Variants in TYMP observed in about 807,000 individuals in gnomAD.
TYMP encodes the protein gliostatin.
In TYMP, 46 loss-of-function variants were observed where a neutral mutation model predicts 42.3. The ratio of observed to expected loss-of-function variants is 1.09; its 90% CI spans 0.86 to 1.39. The LOEUF (loss-of-function observed/expected upper bound fraction) is 1.39. TYMP is among the 40% of genes most tolerant of loss of function. The pLI is 0.00. For synonymous variants in TYMP, 363 were observed against 308.0 expected, an observed-to-expected ratio of 1.18 and a Z score of -1.87; for missense variants, 837 against 677.6, an observed-to-expected ratio of 1.24 and a Z score of -2.61.
intron 4 of TYMP, chr22:50,527,948 TC>T (rs1218338391): frequency 1.2e-5 from 7 of 561,042 alleles, no homozygotes; most frequent in Admixed American, 9.8e-5. Context: ...CTTTTTTTTT[TC>T]TTCTTTTTTT....
chr22:50,527,475 G>A (rs1569522393), intron 5 of TYMP, 113 bp downstream of exon 5: 1 of 1,540,072 alleles, frequency 6.5e-7, no homozygotes, highest in Non-Finnish European at 9.0e-7. Flanking sequence ...TTGTGATGGG[G>A]GTAGGGGGGC....
Position 50,529,032 on chromosome 22 carries a change from C to G in TYMP, c.417+104G>C. On this transcript the variant is annotated intron_variant, in intron 3 of 9. Transcript: ENST00000252029. The stretch of plus-strand genomic sequence containing the variant: ...GGGTGGGGAGAAGCCTTGGTAGGGT[C>G]TTGGAGGCTTTGGGCCAGGCTTGAG... 3 of 1,212,042 alleles carry G rather than the reference C, an allele frequency of 2.5e-6. No homozygotes were observed. The South Asian group carries it at 3.7e-5, about 15-fold the overall frequency. The allele number at this position is 1,212,042 out of a possible 1,614,324, so 75.1% of individuals were successfully genotyped here.
At chr22:50,528,388 C>T in intron 4 of TYMP, 124 bp downstream of exon 4, 1 of 860,538 alleles carries the variant, frequency 1.2e-6, no homozygotes, top group Non-Finnish European at 1.9e-6. Flanking sequence ...CCCAGTGACT[C>T]ATGAGTAACC....
At position 50,529,166 on chromosome 22, in the gene TYMP, G is replaced by A. The variant is rs773716239; in HGVS notation, c.387C>T (p.Leu129=). 4.3e-6 allele frequency: 7 copies of A among 1,613,252 alleles called. No homozygotes were observed. Among genetic ancestry groups the A allele is most frequent in the Non-Finnish European group, 5.1e-6 (6 of 1,180,004 alleles). ...AGCCACATGCCGCCAGGGCAGGTGC[G>A]AGGACCAGGCTGACCTTGTCACCCA... The part of the protein sequence containing the change: ...GGVGDKVSLV[L]APALAACGCK... Residue 129 remains leucine (L), a synonymous_variant, in exon 3 of 10, where the codon CTC becomes CTT. Coordinates refer to ENST00000252029, the MANE Select transcript of TYMP (RefSeq NM_001953.5).
intron 4 of TYMP, chr22:50,528,233 G>C: frequency 2.0e-6 from 1 of 499,252 alleles, no homozygotes; most frequent in South Asian, 2.0e-5. Context: ...TTGAACTCCT[G>C]GGTTCAAGGG....
At position 50,526,502 on chromosome 22, in the gene TYMP, G is replaced by A. The variant is rs759044025; in HGVS notation, c.929-26C>T. On this transcript the variant is annotated intron_variant, in intron 7 of 9. Coordinates refer to ENST00000252029, the MANE Select transcript of TYMP (RefSeq NM_001953.5). ...CTGCGGGCGGGGACGGGTCTTAGGC[G>A]CGGCCGGGTCGGGGCGGCCCCAGCG... The A allele has an allele frequency of 3.9e-6, 6 of 1,519,858 alleles. No individual in the cohort carries two copies. In the South Asian group the frequency reaches 6.2e-5, roughly 16 times the overall value. The allele number at this position is 1,519,858 out of a possible 1,614,324, so 94.1% of individuals were successfully genotyped here.
Position 50,528,545 on chromosome 22 carries a change from A to G in TYMP, c.483T>C (p.Ile161=). The part of the protein sequence containing the change: ...TGGTLDKLES[I]PGFNVIQSPE... ...GGCTCTGGATGACATTGAATCCAGG[A>G]ATAGACTCCAGCTTATCCAAGGTGC... Residue 161 remains isoleucine, a synonymous_variant, in exon 4 of 10, where the codon ATT becomes ATC. Coordinates refer to ENST00000252029, the MANE Select transcript of TYMP (RefSeq NM_001953.5). 6.2e-7 allele frequency: 1 copy of G among 1,613,936 alleles called. No individual in the cohort carries two copies. Among genetic ancestry groups the G allele is most frequent in the Non-Finnish European group, 8.5e-7 (1 of 1,179,984 alleles).
intron 6 of TYMP, 152 bp downstream of exon 6, chr22:50,527,013 G>A (rs375542076): frequency 7.9e-6 from 6 of 762,576 alleles, no homozygotes; most frequent in Non-Finnish European, 1.4e-5. Context: ...AGGTTAGGAA[G>A]CCGTGAAGGA....
intron 4 of TYMP, chr22:50,528,176 G>A (rs1377147190): frequency 1.5e-5 from 6 of 408,526 alleles, no homozygotes; most frequent in Admixed American, 7.2e-5. Flanking sequence ...CACACGCAGC[G>A]AACTATTTTG....
In TYMP at chr22:50,527,209, C is replaced by A. The variant is rs2069422394; in HGVS notation, c.721G>T (p.Val241Phe). Residue 241 changes from valine (V) to phenylalanine (F), a missense_variant, in exon 6 of 10, where the codon GTC becomes TTC. By Grantham distance (50) the Val-to-Phe change is conservative (BLOSUM62 -1). Transcript: ENST00000252029. ...VVDVKFGGAA[V>F]FPNQEQAREL... ...CGGGCCTGCTCCTGGTTGGGGAAGA[C>A]GGCGGCCCCTCCGAACTTAACGTCC... The A allele has an allele frequency of 6.2e-7, 1 of 1,613,490 alleles. No individual in the cohort carries two copies.
At chr22:50,527,020 A>AGG in intron 6 of TYMP, 145 bp downstream of exon 6, 1 of 779,542 alleles carries the variant, frequency 1.3e-6, no homozygotes, top group Non-Finnish European at 2.2e-6. Context: ...GAAGCCGTGA[A>AGG]GGAGGGAGGG....
rs1272477035 is a variant in TYMP at position 50,526,663 on chromosome 22, C to T, written c.841G>A (p.Val281Met). Residue 281 changes from valine to methionine, a missense_variant, in exon 7 of 10, where the codon GTG (valine) becomes ATG (methionine). Physicochemically the swap from Val to Met is conservative, Grantham distance 21. Coordinates refer to ENST00000252029, the MANE Select transcript of TYMP (RefSeq NM_001953.5). ...TAMDKPLGRC[V>M]GHALEVEEAL... ...TCCTCCACCTCCAGGGCGTGGCCCA[C>T]GCAGCGACCCAGGGGCTTGTCCATG... is the stretch of plus-strand genomic sequence containing the variant. 4.5e-6 allele frequency: 7 copies of T among 1,556,024 alleles called. No individual in the cohort carries two copies. The Admixed American group carries it at 5.7e-5, about 13-fold the overall frequency.
At position 50,528,583 on chromosome 22, in the gene TYMP, C is replaced by A; in HGVS notation, c.445G>T (p.Gly149Trp). The change falls in exon 4 of 10, where the codon GGG becomes TGG. Residue 149 changes from glycine (G) to tryptophan (W), a missense_variant. Physicochemically the swap from Gly to Trp is radical, Grantham distance 184. Coordinates refer to ENST00000252029, the MANE Select transcript of TYMP (RefSeq NM_001953.5). Reference protein sequence around the residue: ...KVPMISGRGLGHTGGTLDKLE... With the variant: ...KVPMISGRGLWHTGGTLDKLE... Reference sequence around the variant, plus strand: ...TTATCCAAGGTGCCTCCTGTGTGCCCCAGACCACGTCCGCTGATCATTGGC... The same window carrying A: ...TTATCCAAGGTGCCTCCTGTGTGCCACAGACCACGTCCGCTGATCATTGGC... 1 of 1,613,830 alleles carries A rather than the reference C, an allele frequency of 6.2e-7. No homozygotes were observed. Among genetic ancestry groups the A allele is most frequent in the Non-Finnish European group, 8.5e-7 (1 of 1,179,982 alleles).
chr22:50,527,045 A>G, intron 6 of TYMP, 120 bp downstream of exon 6: 1 of 854,786 alleles, frequency 1.2e-6, no homozygotes, highest in Non-Finnish European at 2.0e-6. Context: ...CGGGCAGAAG[A>G]GGGTGGGACT....
At position 50,528,501 on chromosome 22, in the gene TYMP, G is replaced by T. The variant is rs751642764; in HGVS notation, c.516+11C>A. ...AACCTGGATTAATGACTGATCCGTG[G>T]CGCCCCGTACCTGCTCTGGGCTCTG... On this transcript the variant is annotated intron_variant, in intron 4 of 9. Transcript: ENST00000252029. The T allele has an allele frequency of 4.3e-6, 7 of 1,611,886 alleles. No individual in the cohort carries two copies. Among genetic ancestry groups the T allele is most frequent in the Non-Finnish European group, 4.2e-6 (5 of 1,178,490 alleles).
Position 50,526,261 on chromosome 22 carries a change from G to T in TYMP, c.1144C>A (p.Leu382Met). The change falls in exon 8 of 10, where the codon CTG becomes ATG. Residue 382 changes from leucine (L) to methionine (M), a missense_variant. Leu to Met is a conservative substitution (Grantham distance 15). Transcript: ENST00000252029. ...CGACGCTCACCATCTGCGGGCGCCA[G>T]CAGCTCCTCCTGCTCCCGGGCGCGA... ...LPRAREQEEL[L>M]APADGTVELV... The T allele has an allele frequency of 6.5e-7, 1 of 1,537,286 alleles. No individual in the cohort carries two copies. Among genetic ancestry groups the T allele is most frequent in the East Asian group, 2.5e-5 (1 of 39,466 alleles).
At position 50,526,642 on chromosome 22, in the gene TYMP, C is replaced by T. The variant is rs755060408; in HGVS notation, c.862G>A (p.Glu288Lys). 3.3e-5 allele frequency: 52 copies of T among 1,569,258 alleles called. 1 individual carries two copies. The South Asian group carries it at 5.9e-4, about 18-fold the overall frequency. ...CCGTCCATGCAGAGCAGCGCCTCCT[C>T]CACCTCCAGGGCGTGGCCCACGCAG... Reference protein sequence around the residue: ...GRCVGHALEVEEALLCMDGAG... With the variant: ...GRCVGHALEVKEALLCMDGAG... Residue 288 changes from glutamate to lysine, a missense_variant, in exon 7 of 10, where the codon GAG (glutamate) becomes AAG (lysine). Physicochemically the swap from Glu to Lys is moderately conservative, Grantham distance 56 (BLOSUM62 1). Transcript: ENST00000252029.
chr22:50,526,734 C>T lies in TYMP; in HGVS notation c.770G>A (p.Gly257Asp), dbSNP rs2069402392. Residue 257 changes from glycine to aspartate, a missense_variant, in exon 7 of 10, where the codon GGC becomes GAC. Coordinates refer to ENST00000252029, the MANE Select transcript of TYMP (RefSeq NM_001953.5). ...QARELAKTLV[G>D]VGASLGLRVA... Reference sequence around the variant, plus strand: ...CCGAAGCCCTAGGCTGGCTCCCACGCCAACCTGCGGAGAGGAGGCTCAGCG... The same window carrying T: ...CCGAAGCCCTAGGCTGGCTCCCACGTCAACCTGCGGAGAGGAGGCTCAGCG... 1 of 1,536,294 alleles carries T rather than the reference C, an allele frequency of 6.5e-7. No individual in the cohort carries two copies. The highest frequency in any genetic ancestry group is 8.7e-7 in the Non-Finnish European group (1 of 1,146,588).
At chr22:50,526,835 G>A (rs2069407444) in intron 6 of TYMP, 97 bp from the exon 7 acceptor site, 2 of 1,307,142 alleles carry the variant, frequency 1.5e-6, no homozygotes, top group Admixed American at 2.3e-5. Flanking sequence ...TGGGTTGCCA[G>A]CCCCCCAGCA....
Sources: allele counts gnomAD v4.1 joint callset, GRCh38; gene constraint gnomAD v4.1.1; transcripts MANE v1.5; gene names NCBI Gene and HGNC (gene_info 2026-07-23, HGNC 2026-07-21).